Variants in NOS1AP observed in about 807,000 individuals in gnomAD.
The protein encoded by NOS1AP is nitric oxide synthase 1 adaptor protein.
Under a neutral mutation model 56.2 loss-of-function variants are expected in NOS1AP, and 21 were observed. That is an observed-to-expected ratio of 0.37 (90% CI 0.26 to 0.54). The LOEUF is 0.54. Among genes scored for constraint, NOS1AP ranks in the 20% least tolerant of loss-of-function variants. The pLI is 0.84. For missense variants in NOS1AP, 522 were observed against 657.8 expected, an observed-to-expected ratio of 0.79 and a Z score of 2.26; for synonymous variants, 270 against 274.6, an observed-to-expected ratio of 0.98 and a Z score of 0.17.
intron 1 of NOS1AP, among the ~76,000 whole-genome samples, chr1:162,072,095 T>TAGATAGAC (rs1691672877): frequency 6.6e-6 from 1 of 151,884 alleles, no homozygotes; most frequent in African/African-American, 2.4e-5. Context: ...GATAGATAGA[T>TAGATAGAC]AGATAGATAG....
intron 2 of NOS1AP, among the ~76,000 whole-genome samples, chr1:162,207,551 G>A (rs1450221010): frequency 2.0e-5 from 3 of 152,228 alleles, no homozygotes; most frequent in Non-Finnish European, 4.4e-5. Flanking sequence ...TTACAGGGTT[G>A]TGGTCAAGGA....
intron 2 of NOS1AP, among the ~76,000 whole-genome samples, chr1:162,270,635 A>G (rs909622843): frequency 2.0e-5 from 3 of 152,228 alleles, no homozygotes; most frequent in Non-Finnish European, 4.4e-5. Flanking sequence ...TAGTAATTAC[A>G]TAAGTGCAGA....
At chr1:162,196,146 CTTACCAG>C (rs2102160750) in intron 2 of NOS1AP, among the ~76,000 whole-genome samples, 1 of 152,318 alleles carries the variant, frequency 6.6e-6, no homozygotes, top group African/African-American at 2.4e-5. Context: ...TATACACTCT[CTTACCAG>C]TTCTTGGTCT....
intron 1 of NOS1AP, among the ~76,000 whole-genome samples, chr1:162,150,046 T>C (rs149775271): frequency 6.6e-6 from 1 of 152,334 alleles, no homozygotes; most frequent in African/African-American, 2.4e-5. Flanking sequence ...ACTATAGTCA[T>C]CCTATTGTGG....
intron 2 of NOS1AP, among the ~76,000 whole-genome samples, chr1:162,202,245 A>G (rs1216689443): frequency 1.3e-5 from 2 of 152,196 alleles, no homozygotes; most frequent in African/African-American, 4.8e-5. Context: ...CCTGAAAGCG[A>G]TATATTCTTA....
intron 2 of NOS1AP, among the ~76,000 whole-genome samples, chr1:162,271,859 T>C (rs959865139): frequency 3.9e-5 from 6 of 152,202 alleles, no homozygotes; most frequent in Non-Finnish European, 2.9e-5. Context: ...GATGGCTGCC[T>C]TCCTGCTGTG....
At chr1:162,224,803 G>T (rs566939816) in intron 2 of NOS1AP, among the ~76,000 whole-genome samples, 84 of 152,260 alleles carry the variant, frequency 5.5e-4, no homozygotes, top group Admixed American at 4.0e-3. Flanking sequence ...CTTCCCTGTT[G>T]ATTTTGGCTA....
Position 162,261,508 on chromosome 1 carries a change from GA to G in NOS1AP, c.178-25835del, listed in dbSNP as rs368277919. ...AGAGAGAGAGAGAGAGAGAGAGAGAGAGAGAGAGAGAGAGAGAGAGAGAGAG... is the reference window on the plus strand; with the variant it reads ...AGAGAGAGAGAGAGAGAGAGAGAGAGGAGAGAGAGAGAGAGAGAGAGAGAG... On this transcript the variant is annotated intron_variant, in intron 2 of 9. Coordinates refer to ENST00000361897, the MANE Select transcript of NOS1AP (RefSeq NM_014697.3). Among the ~76,000 whole-genome samples the G allele has an allele frequency of 1.2e-3, 16 of 13,620 alleles. 4 individuals are homozygous for G. Among genetic ancestry groups the G allele is most frequent in the African/African-American group, 1.6e-3 (5 of 3,138 alleles). The allele number at this position is 13,620 out of a possible 152,430, so 8.9% of individuals were successfully genotyped here. A position where few individuals can be genotyped will look rare whatever the true frequency, so the allele number is the denominator to read the frequency against.
chr1:162,085,808 A>G (rs1691988382), intron 1 of NOS1AP, among the ~76,000 whole-genome samples: 1 of 152,202 alleles, frequency 6.6e-6, no homozygotes, highest in African/African-American at 2.4e-5. Flanking sequence ...AAAGATAGGC[A>G]CATTATATTA....
At chr1:162,260,822 T>C (rs948400450) in intron 2 of NOS1AP, among the ~76,000 whole-genome samples, 1 of 152,178 alleles carries the variant, frequency 6.6e-6, no homozygotes, top group Admixed American at 6.5e-5. Flanking sequence ...CTGAGTATAA[T>C]GATTGACTAT....
chr1:162,151,174 A>G (rs972300817), intron 1 of NOS1AP, among the ~76,000 whole-genome samples: 1 of 152,206 alleles, frequency 6.6e-6, no homozygotes, highest in Non-Finnish European at 1.5e-5. Flanking sequence ...TTATTCTTCT[A>G]CATATGGATA....
chr1:162,199,747 G>T (rs1258800994), intron 2 of NOS1AP, among the ~76,000 whole-genome samples: 1 of 152,124 alleles, frequency 6.6e-6, no homozygotes, highest in Non-Finnish European at 1.5e-5. Flanking sequence ...ATACAATTTA[G>T]TGAATTTGTT....
chr1:162,292,384 C>T (rs1407306064), intron 3 of NOS1AP, among the ~76,000 whole-genome samples: 2 of 152,228 alleles, frequency 1.3e-5, no homozygotes, highest in African/African-American at 4.8e-5. Context: ...ATAATGAGAA[C>T]AGCTAATAGT....
At chr1:162,092,494 C>T (rs1692157678) in intron 1 of NOS1AP, among the ~76,000 whole-genome samples, 1 of 152,122 alleles carries the variant, frequency 6.6e-6, no homozygotes, top group South Asian at 2.1e-4. Context: ...CTGAAGGCTC[C>T]ATGCTATTCA....
intron 1 of NOS1AP, among the ~76,000 whole-genome samples, chr1:162,081,795 G>A (rs1312529451): frequency 2.2e-5 from 1 of 45,202 alleles, no homozygotes; most frequent in Non-Finnish European, 5.9e-5. Flanking sequence ...GTAGAGATGG[G>A]TTTTCACCAT....
Position 162,069,979 on chromosome 1 carries a change from G to T in NOS1AP, c.-199G>T. On this transcript the variant is annotated 5_prime_UTR_variant, in exon 1 of 10. Coordinates refer to ENST00000361897, the MANE Select transcript of NOS1AP (RefSeq NM_014697.3). Reference sequence around the variant, plus strand: ...GACCACAGCGCCGCTCGCGTCGCCCGCATCAGCTCAGCCCGCTGCCGCTCG... The same window carrying T: ...GACCACAGCGCCGCTCGCGTCGCCCTCATCAGCTCAGCCCGCTGCCGCTCG... The T allele has an allele frequency of 3.4e-6, 1 of 296,656 alleles. No individual in the cohort carries two copies. The highest frequency in any genetic ancestry group is 6.3e-6 in the Non-Finnish European group (1 of 159,226). 18.4% of individuals were successfully genotyped at this position (296,656 alleles called of 1,614,324 possible).
intron 1 of NOS1AP, among the ~76,000 whole-genome samples, chr1:162,105,774 C>T (rs1477914376): frequency 5.3e-5 from 8 of 152,240 alleles, no homozygotes; most frequent in African/African-American, 1.9e-4. Context: ...ATGACGGAGT[C>T]TACCAAACCA....
rs530300234 is a variant in NOS1AP at position 162,102,791 on chromosome 1, A to C, written c.105+32509A>C. On this transcript the variant is annotated intron_variant, in intron 1 of 9. Transcript: ENST00000361897. ...AGGGTCAGGGGTGATTTTCTCCTTAATATTTCTGATTGTGTTTATTTGATT... is the reference window on the plus strand; with the variant it reads ...AGGGTCAGGGGTGATTTTCTCCTTACTATTTCTGATTGTGTTTATTTGATT... Among the ~76,000 whole-genome samples, 18 of 151,958 alleles carry C rather than the reference A, an allele frequency of 1.2e-4. No homozygotes were observed. The South Asian group carries it at 2.9e-3, about 25-fold the overall frequency.
intron 1 of NOS1AP, among the ~76,000 whole-genome samples, chr1:162,128,580 C>T (rs575129318): frequency 6.6e-6 from 1 of 152,028 alleles, no homozygotes; most frequent in South Asian, 2.1e-4. Context: ...ACAAAAACTC[C>T]TCAAAAAAAT....
Sources: allele counts gnomAD v4.1 joint callset (sites outside exome capture counted in the v4.1 genomes callset), GRCh38; gene constraint gnomAD v4.1.1; transcripts MANE v1.5; gene names NCBI Gene and HGNC (gene_info 2026-07-23, HGNC 2026-07-21).